The following NFKB1 variants were observed in gnomAD, a reference collection of about 807,000 sequenced individuals.
NFKB1 encodes nuclear factor NF-kappa-B p105 subunit.
A neutral mutation model predicts 105.1 loss-of-function variants in NFKB1; 9 were observed. That is an observed-to-expected ratio of 0.09 (90% CI 0.05 to 0.15). The LOEUF is 0.15. NFKB1 is among the 10% of genes least tolerant of loss of function. NFKB1 has a pLI of 1.00. For synonymous variants in NFKB1, 440 were observed against 442.2 expected, an observed-to-expected ratio of 1.00 and a Z score of 0.06; for missense variants, 830 against 1,203.7, an observed-to-expected ratio of 0.69 and a Z score of 4.59.
At chr4:102,595,435 C>G (rs1726531039) in intron 13 of NFKB1, among the ~76,000 whole-genome samples, 1 of 152,164 alleles carries the variant, frequency 6.6e-6, no homozygotes, top group East Asian at 1.9e-4. Flanking sequence ...CTAGTGTACC[C>G]ATGGAAGAAA....
chr4:102,586,136 A>G (rs578134787), intron 11 of NFKB1, among the ~76,000 whole-genome samples: 1 of 152,280 alleles, frequency 6.6e-6, no homozygotes, highest in South Asian at 2.1e-4. Flanking sequence ...CAAGTGAGAA[A>G]CAGTGCAGTT....
intron 1 of NFKB1, among the ~76,000 whole-genome samples, chr4:102,524,164 A>G (rs1740747199): frequency 6.6e-6 from 1 of 151,796 alleles, no homozygotes; most frequent in Non-Finnish European, 1.5e-5. Context: ...CTTTATTTGA[A>G]TAATAATAAG....
At chr4:102,523,870 C>G (rs756757750) in intron 1 of NFKB1, among the ~76,000 whole-genome samples, 1 of 152,036 alleles carries the variant, frequency 6.6e-6, no homozygotes, top group African/African-American at 2.4e-5. Flanking sequence ...GTCAGATGGC[C>G]ATCTCTAACT....
intron 6 of NFKB1, among the ~76,000 whole-genome samples, chr4:102,567,613 C>G (rs1215972399): frequency 6.6e-6 from 1 of 152,148 alleles, no homozygotes; most frequent in Non-Finnish European, 1.5e-5. Flanking sequence ...CATTTCAGCT[C>G]TCTGCTGCTT....
chr4:102,550,680 C>G (rs1722505440), intron 5 of NFKB1, among the ~76,000 whole-genome samples: 1 of 152,184 alleles, frequency 6.6e-6, no homozygotes, highest in Non-Finnish European at 1.5e-5. Flanking sequence ...TATCTGCAAG[C>G]TTACTATATT....
chr4:102,502,390 G>GCGCGCGCACACACACACACACACACACA (rs1311577382), intron 1 of NFKB1, among the ~76,000 whole-genome samples: 1 of 105,392 alleles, frequency 9.5e-6, no homozygotes, highest in African/African-American at 4.2e-5. Flanking sequence ...GCGCGCGCGC[G>GCGCGCGCACACACACACACACACACACA]CACACACACA....
chr4:102,575,210 GAGCT>G lies in NFKB1; in HGVS notation c.408-1665_408-1662del, dbSNP rs1724718731. On this transcript the variant is annotated intron_variant, in intron 6 of 23. Transcript: ENST00000226574. ...GGGACTAGAGATCTCTGCCTTCAAG[GAGCT>G]TATTTTCTAGTGGTATATTTTCTGT... is the stretch of plus-strand genomic sequence containing the variant. 6.6e-5 allele frequency among the ~76,000 whole-genome samples: 10 copies of G among 152,252 alleles called. 1 individual carries two copies. The South Asian group carries it at 2.1e-3, about 32-fold the overall frequency.
chr4:102,535,508 G>A (rs1444198037), intron 4 of NFKB1, among the ~76,000 whole-genome samples: 2 of 152,254 alleles, frequency 1.3e-5, no homozygotes, highest in Admixed American at 1.3e-4. Flanking sequence ...TAAGAAGGTT[G>A]TATTCAAGTC....
Position 102,616,540 on chromosome 4 carries a change from C to A in NFKB1, c.2856C>A (p.Leu952=). The change falls in exon 24 of 24, where the codon CTC becomes CTA. Residue 952 remains leucine, a synonymous_variant. Coordinates refer to ENST00000226574, the MANE Select transcript of NFKB1 (RefSeq NM_003998.4). ...SLTSGASLLT[L]NKMPHDYGQE... is the part of the protein sequence containing the mutation. ...CCAGTGGTGCCTCACTGCTAACTCT[C>A]AACAAAATGCCCCATGATTATGGGC... The A allele has an allele frequency of 6.2e-7, 1 of 1,614,112 alleles. No individual in the cohort carries two copies. The highest frequency in any genetic ancestry group is 2.2e-5 in the East Asian group (1 of 44,888).
At chr4:102,559,660 G>A (rs1435938162) in intron 5 of NFKB1, among the ~76,000 whole-genome samples, 1 of 151,996 alleles carries the variant, frequency 6.6e-6, no homozygotes, top group Middle Eastern at 3.2e-3. Flanking sequence ...ACAGAAAAGA[G>A]GCCAGGCACA....
chr4:102,588,407 AGAG>A (rs1725889020), intron 11 of NFKB1, among the ~76,000 whole-genome samples: 1 of 152,090 alleles, frequency 6.6e-6, no homozygotes, highest in South Asian at 2.1e-4. Flanking sequence ...GATGATTGGC[AGAG>A]GAGGAAGATA....
intron 6 of NFKB1, among the ~76,000 whole-genome samples, chr4:102,575,837 CTTT>C (rs1724775897): frequency 6.6e-6 from 1 of 152,102 alleles, no homozygotes; most frequent in Non-Finnish European, 1.5e-5. Flanking sequence ...TAATTTACTT[CTTT>C]GTTTCTTCTC....
rs369672383 is a variant in NFKB1 at position 102,582,850 on chromosome 4, A to G, written c.836-16A>G. On this transcript the variant is annotated splice_polypyrimidine_tract_variant and intron_variant, in intron 9 of 23. Coordinates refer to ENST00000226574, the MANE Select transcript of NFKB1 (RefSeq NM_003998.4). The stretch of plus-strand genomic sequence containing the variant: ...ACACTATGTGAAATTACACACTTCA[A>G]TGTGATTGTTTGCAGATGACATCCA... The G allele has an allele frequency of 1.6e-4, 253 of 1,555,798 alleles. No individual in the cohort carries two copies. Among genetic ancestry groups the G allele is most frequent in the Middle Eastern group, 1.7e-4 (1 of 5,942 alleles).
intron 11 of NFKB1, among the ~76,000 whole-genome samples, chr4:102,589,331 C>G (rs1303923584): frequency 6.6e-6 from 1 of 152,106 alleles, no homozygotes; most frequent in Non-Finnish European, 1.5e-5. Flanking sequence ...ATGAGTATAG[C>G]TGTAAATTAG....
intron 11 of NFKB1, among the ~76,000 whole-genome samples, chr4:102,589,355 G>A (rs1242538130): frequency 2.0e-5 from 3 of 152,150 alleles, no homozygotes; most frequent in Non-Finnish European, 2.9e-5. Context: ...AGATAGAACC[G>A]ATGGGGAAAT....
chr4:102,522,979 A>C (rs1311084581), intron 1 of NFKB1, among the ~76,000 whole-genome samples: 4 of 152,212 alleles, frequency 2.6e-5, no homozygotes. Flanking sequence ...TAAAAATCCA[A>C]GTTTACCAAA....
At chr4:102,580,246 A>G (rs895238052) in intron 8 of NFKB1, among the ~76,000 whole-genome samples, 2 of 152,206 alleles carry the variant, frequency 1.3e-5, no homozygotes, top group African/African-American at 2.4e-5. Flanking sequence ...GTACTTCCCA[A>G]TACATCAGAA....
chr4:102,570,694 C>A (rs1724266105), intron 6 of NFKB1, among the ~76,000 whole-genome samples: 1 of 152,050 alleles, frequency 6.6e-6, no homozygotes, highest in African/African-American at 2.4e-5. Context: ...CAATAACAGA[C>A]AAACAGAGAG....
intron 6 of NFKB1, among the ~76,000 whole-genome samples, 154 bp from the exon 7 acceptor site, chr4:102,576,722 T>G (rs965136581): frequency 6.6e-6 from 1 of 152,106 alleles, no homozygotes; most frequent in African/African-American, 2.4e-5. Context: ...AAAAATACCC[T>G]AAATTCTGAA....
Sources: gnomAD v4.1 joint callset for allele counts (sites outside exome capture counted in the v4.1 genomes callset) on GRCh38, gnomAD v4.1.1 for gene constraint, MANE v1.5 for transcripts, NCBI Gene and HGNC (gene_info 2026-07-23, HGNC 2026-07-21) for gene names.